Variants in HMOX2 observed in about 807,000 individuals in gnomAD.
The protein encoded by HMOX2 is heme oxygenase 2.
HMOX2 carries 30 observed loss-of-function variants against 33.7 expected under a neutral mutation model. That is an observed-to-expected ratio of 0.89 (90% CI 0.67 to 1.21). The LOEUF (loss-of-function observed/expected upper bound fraction) is 1.21. Ranked by LOEUF, HMOX2 falls within the 50% of genes most tolerant of loss-of-function variation. The pLI is 0.00. For missense variants in HMOX2, 403 were observed against 399.1 expected (o/e 1.01, Z -0.08); for synonymous variants, 155 against 155.0 (o/e 1.00, Z 0.00).
At chr16:4,505,636 G>C (rs2058671991) in intron 2 of HMOX2, 26 bp downstream of exon 2, 3 of 1,488,146 alleles carry the variant, frequency 2.0e-6, no homozygotes, top group African/African-American at 1.4e-5. Context: ...TGGCTGCACT[G>C]AATCAGGTGG....
chr16:4,481,990 G>A (rs2058043894), intron 1 of HMOX2: 1 of 152,254 alleles, frequency 6.6e-6, no homozygotes, highest in African/African-American at 2.4e-5. Flanking sequence ...TGGCCTGGGT[G>A]GTCATCTAAC....
chr16:4,480,593 CT>C (rs2057998283), intron 1 of HMOX2, among the ~76,000 whole-genome samples: 1 of 151,482 alleles, frequency 6.6e-6, no homozygotes, highest in Admixed American at 6.6e-5. Context: ...GGTCCACCCA[CT>C]TTGGCCTCCC....
intron 1 of HMOX2, among the ~76,000 whole-genome samples, chr16:4,486,466 G>A (rs1266438679): frequency 6.6e-6 from 1 of 152,242 alleles, no homozygotes; most frequent in African/African-American, 2.4e-5. Context: ...GAGTATGTCT[G>A]TCCCTAATAC....
chr16:4,480,597 G>C (rs577858335), intron 1 of HMOX2, among the ~76,000 whole-genome samples: 1 of 151,000 alleles, frequency 6.6e-6, no homozygotes, highest in Admixed American at 6.6e-5. Flanking sequence ...CACCCACTTT[G>C]GCCTCCCAAT....
chr16:4,504,926 C>A (rs374002983), intron 1 of HMOX2, among the ~76,000 whole-genome samples: 1 of 148,666 alleles, frequency 6.7e-6, no homozygotes, highest in African/African-American at 2.5e-5. Context: ...CAGTCTGCCT[C>A]GGCCTCCCAA....
At chr16:4,486,447 A>G (rs1411026466) in intron 1 of HMOX2, among the ~76,000 whole-genome samples, 1 of 152,220 alleles carries the variant, frequency 6.6e-6, no homozygotes, top group Non-Finnish European at 1.5e-5. Context: ...TGTCAAGGAC[A>G]GCTGATTAGA....
chr16:4,499,633 G>A (rs2058509767), intron 1 of HMOX2, among the ~76,000 whole-genome samples: 1 of 152,150 alleles, frequency 6.6e-6, no homozygotes, highest in South Asian at 2.1e-4. Flanking sequence ...TATTATAATA[G>A]TATTGTATAC....
chr16:4,497,257 C>T (rs2058444496), intron 1 of HMOX2, among the ~76,000 whole-genome samples: 2 of 152,140 alleles, frequency 1.3e-5, no homozygotes, highest in South Asian at 4.1e-4. Context: ...CAAGGTTGTT[C>T]AGTGTTGGAA....
chr16:4,506,195 TCA>T (rs1165590414), intron 2 of HMOX2, among the ~76,000 whole-genome samples: 1 of 152,234 alleles, frequency 6.6e-6, no homozygotes, highest in Admixed American at 6.5e-5. Context: ...CAAATTTTTC[TCA>T]CTCTTGTAGA....
At chr16:4,489,240 A>T (rs1310492456) in intron 1 of HMOX2, among the ~76,000 whole-genome samples, 3 of 152,142 alleles carry the variant, frequency 2.0e-5, no homozygotes, top group African/African-American at 4.8e-5. Flanking sequence ...CTCGAGCACA[A>T]AGCATCAAAT....
intron 1 of HMOX2, among the ~76,000 whole-genome samples, chr16:4,484,310 A>G (rs1442465381): frequency 2.6e-5 from 4 of 152,112 alleles, no homozygotes; most frequent in Middle Eastern, 3.4e-3. Flanking sequence ...ACCACATTCA[A>G]GTCCAAATGC....
chr16:4,507,957 T>C lies in HMOX2; in HGVS notation c.449T>C (p.Val150Ala), dbSNP rs2058737016. The change falls in exon 4 of 6, where the codon GTG becomes GCG. Residue 150 changes from valine to alanine, a missense_variant. Val to Ala is a moderately conservative substitution (Grantham distance 64). Coordinates refer to ENST00000570646, the MANE Select transcript of HMOX2 (RefSeq NM_002134.4). The part of the protein sequence containing the change: ...YIGQNEPELL[V>A]AHAYTRYMGD... ...GGGCAGAACGAGCCGGAGCTACTGG[T>C]GGCCCATGCATACACCCGCTACATG... 6.2e-7 allele frequency: 1 copy of C among 1,613,328 alleles called. No individual in the cohort carries two copies. The highest frequency in any genetic ancestry group is 8.5e-7 in the Non-Finnish European group (1 of 1,179,852).
rs752399199 is a variant in HMOX2, at chr16:4,509,517, T to C, written c.802T>C (p.Tyr268His). 2.5e-6 allele frequency: 4 copies of C among 1,614,180 alleles called. No homozygotes were observed. The highest frequency in any genetic ancestry group is 1.1e-5 in the South Asian group (1 of 91,086). The change falls in exon 5 of 6, where the codon TAC becomes CAC. Residue 268 changes from tyrosine (Y) to histidine (H), a missense_variant. Transcript: ENST00000570646. ...GKGDMRKCPF[Y>H]AAEQDKGALE... ...AGGAGACATGCGTAAATGCCCTTTCTACGCTGCTGAACAAGACAAAGGTAG... is the reference window on the plus strand; with the variant it reads ...AGGAGACATGCGTAAATGCCCTTTCCACGCTGCTGAACAAGACAAAGGTAG...
At chr16:4,481,653 T>A (rs2058035371) in intron 1 of HMOX2, 2 of 152,190 alleles carry the variant, frequency 1.3e-5, no homozygotes, top group African/African-American at 4.8e-5. Context: ...TCCACCTAAC[T>A]CTCTCTCTAG....
At chr16:4,493,703 T>C (rs2058353794) in intron 1 of HMOX2, among the ~76,000 whole-genome samples, 1 of 152,176 alleles carries the variant, frequency 6.6e-6, no homozygotes, top group South Asian at 2.1e-4. Flanking sequence ...TGGCTCAGGC[T>C]CTAGAGATCA....
At chr16:4,486,844 G>A (rs969299471) in intron 1 of HMOX2, among the ~76,000 whole-genome samples, 7 of 152,208 alleles carry the variant, frequency 4.6e-5, no homozygotes, top group Admixed American at 4.6e-4. Context: ...TCAAGGTCCT[G>A]AGGGGAATGA....
Position 4,507,698 on chromosome 16 carries a change from C to A in HMOX2, c.205-15C>A. ...GTGCTCAGGCATAGCTGGCCTCCTC[C>A]TGTCACCTCCACAGCTGGCCACCAC... On this transcript the variant is annotated splice_polypyrimidine_tract_variant and intron_variant, in intron 3 of 5. Coordinates refer to ENST00000570646, the MANE Select transcript of HMOX2 (RefSeq NM_002134.4). 6.2e-7 allele frequency: 1 copy of A among 1,609,704 alleles called. No individual in the cohort carries two copies. The highest frequency in any genetic ancestry group is 8.5e-7 in the Non-Finnish European group (1 of 1,176,996).
At chr16:4,509,361 A>G in intron 4 of HMOX2, 51 bp from the exon 5 acceptor site, 1 of 1,578,130 alleles carries the variant, frequency 6.3e-7, no homozygotes, top group Non-Finnish European at 8.6e-7. Context: ...AAAAAAAAAA[A>G]AAAAGTATGG....
chr16:4,507,077 A>G, intron 3 of HMOX2, 65 bp downstream of exon 3: 1 of 1,027,658 alleles, frequency 9.7e-7, no homozygotes, highest in East Asian at 2.4e-5. Context: ...TGGTCCCATG[A>G]GAAAAGTGCC....
Sources: allele counts gnomAD v4.1 joint callset (sites outside exome capture counted in the v4.1 genomes callset), GRCh38; gene constraint gnomAD v4.1.1; transcripts MANE v1.5; gene names NCBI Gene and HGNC (gene_info 2026-07-23, HGNC 2026-07-21).